The following ICA1 variants were observed in gnomAD, a reference collection of about 807,000 sequenced individuals.
ICA1 encodes islet cell autoantigen 1, also known as 69 kDa islet cell autoantigen.
A neutral mutation model predicts 71.0 loss-of-function variants in ICA1; 40 were observed. That is an observed-to-expected ratio of 0.56 (90% CI 0.44 to 0.73). ICA1 has a LOEUF of 0.73. Among genes scored for constraint, ICA1 ranks in the 30% least tolerant of loss-of-function variants. ICA1 has a pLI of 0.00. For missense variants in ICA1, 578 were observed against 576.5 expected (o/e 1.00, Z -0.03); for synonymous variants, 207 against 209.5 (o/e 0.99, Z 0.10).
At chr7:8,152,871 ACCATCACCT>A (rs1799969160) in intron 8 of ICA1, among the ~76,000 whole-genome samples, 1 of 118,274 alleles carries the variant, frequency 8.5e-6, no homozygotes, top group South Asian at 3.0e-4. Flanking sequence ...CGCCACCATC[ACCATCACCT>A]CCACCACCAC....
At chr7:8,149,385 C>G (rs893219746) in intron 8 of ICA1, among the ~76,000 whole-genome samples, 1 of 152,216 alleles carries the variant, frequency 6.6e-6, no homozygotes, top group Non-Finnish European at 1.5e-5. Context: ...TAAGGCTGCA[C>G]TAACATGCTA....
intron 1 of ICA1, among the ~76,000 whole-genome samples, chr7:8,236,380 A>G (rs576318009): frequency 6.6e-6 from 1 of 152,336 alleles, no homozygotes; most frequent in Non-Finnish European, 1.5e-5. Flanking sequence ...TAAGTTCCAG[A>G]CAGCAGACCA....
At position 8,123,420 on chromosome 7, in the gene ICA1, A is replaced by G. The variant is rs1240102433; in HGVS notation, c.1330+4453T>C. 1.3e-5 allele frequency among the ~76,000 whole-genome samples: 2 copies of G among 151,990 alleles called. No homozygotes were observed. Among genetic ancestry groups the G allele is most frequent in the African/African-American group, 4.8e-5 (2 of 41,372 alleles). ...GAAATGTGGATTGTGAGAGGGGGTG[A>G]GGGAGCTGGGGACGCGGCCCAGAGC... On this transcript the variant is annotated intron_variant, in intron 13 of 13. Coordinates refer to ENST00000402384, the MANE Select transcript of ICA1 (RefSeq NM_001136020.3). The surrounding 1 kb of genome is among the most constrained non-coding windows in gnomAD (Gnocchi z 4.1).
chr7:8,133,263 T>A (rs1386241692), intron 12 of ICA1, among the ~76,000 whole-genome samples: 1 of 152,200 alleles, frequency 6.6e-6, no homozygotes, highest in Non-Finnish European at 1.5e-5. Context: ...TTAGCCCCTA[T>A]AACTCTAAGA....
At position 8,221,275 on chromosome 7, in the gene ICA1, C is replaced by A. The variant is rs1796975507; in HGVS notation, c.380G>T (p.Arg127Met). 6.2e-7 allele frequency: 1 copy of A among 1,613,444 alleles called. No individual in the cohort carries two copies. The highest frequency in any genetic ancestry group is 8.5e-7 in the Non-Finnish European group (1 of 1,179,556). The change falls in exon 5 of 14, where the codon AGG (arginine) becomes ATG (methionine). Residue 127 changes from arginine (R) to methionine (M), a missense_variant and splice_region_variant. By Grantham distance (91) the Arg-to-Met change is moderately conservative. Transcript: ENST00000402384. ...TAGAACCCCACTAAAGGCCACACAC[C>A]TTTGCTGGGAAGAAAAGCAGAGGGC... ...GKALCFSSQQ[R>M]LALRNPLCRF... is the part of the protein sequence containing the mutation.
intron 6 of ICA1, among the ~76,000 whole-genome samples, chr7:8,174,621 G>T (rs1218296792): frequency 6.6e-6 from 1 of 151,480 alleles, no homozygotes; most frequent in Non-Finnish European, 1.5e-5. Flanking sequence ...TGGCAAAACC[G>T]GGTTTCTACA....
intron 6 of ICA1, among the ~76,000 whole-genome samples, chr7:8,169,863 T>A (rs1209599228): frequency 6.6e-6 from 1 of 151,004 alleles, no homozygotes; most frequent in Non-Finnish European, 1.5e-5. Flanking sequence ...ATTTACCAAG[T>A]TTTCTTTTAT....
chr7:8,161,976 G>T (rs1343678095), intron 6 of ICA1, among the ~76,000 whole-genome samples: 4 of 152,204 alleles, frequency 2.6e-5, no homozygotes, highest in Non-Finnish European at 4.4e-5. Context: ...TTTGAGGTGG[G>T]TCTTAGGCAT....
At chr7:8,153,888 T>C (rs1401540210) in intron 8 of ICA1, among the ~76,000 whole-genome samples, 1 of 149,262 alleles carries the variant, frequency 6.7e-6, no homozygotes, top group Non-Finnish European at 1.5e-5. Context: ...TTGATAAATG[T>C]TTGTTGTGTG....
At chr7:8,154,713 T>C (rs998730908) in intron 8 of ICA1, among the ~76,000 whole-genome samples, 2 of 152,138 alleles carry the variant, frequency 1.3e-5, no homozygotes, top group African/African-American at 2.4e-5. Context: ...CTTGATAAAA[T>C]ACAAATCTTA....
At chr7:8,198,995 C>G (rs139022581) in intron 6 of ICA1, among the ~76,000 whole-genome samples, 2 of 152,298 alleles carry the variant, frequency 1.3e-5, no homozygotes, top group East Asian at 1.9e-4. Flanking sequence ...CAAAAAAGTG[C>G]TCAACATCGT....
chr7:8,232,492 A>G (rs1800563691), intron 3 of ICA1, 98 bp downstream of exon 3: 1 of 1,052,898 alleles, frequency 9.5e-7, no homozygotes, highest in Non-Finnish European at 1.3e-6. Context: ...CTCATTTTCA[A>G]ATACAAAGCA....
chr7:8,124,176 A>G (rs1051451129), intron 13 of ICA1, among the ~76,000 whole-genome samples: 10 of 131,970 alleles, frequency 7.6e-5, no homozygotes, highest in Non-Finnish European at 1.2e-4. Flanking sequence ...GCTGGAGTGC[A>G]GTGGCGGGAT....
intron 13 of ICA1, among the ~76,000 whole-genome samples, chr7:8,127,387 G>A (rs1426501573): frequency 6.6e-6 from 1 of 152,138 alleles, no homozygotes; most frequent in Non-Finnish European, 1.5e-5. Flanking sequence ...CAGAAGAGTG[G>A]ATCTAGTGGG....
At chr7:8,191,920 T>C (rs1226489159) in intron 6 of ICA1, among the ~76,000 whole-genome samples, 1 of 152,148 alleles carries the variant, frequency 6.6e-6, no homozygotes, top group Non-Finnish European at 1.5e-5. Context: ...TTTGTATGCC[T>C]GGATACCCTT....
At chr7:8,201,995 C>T (rs1208691158) in intron 6 of ICA1, among the ~76,000 whole-genome samples, 1 of 152,148 alleles carries the variant, frequency 6.6e-6, no homozygotes, top group African/African-American at 2.4e-5. Flanking sequence ...ACACCATGTC[C>T]CCTGCCTACC....
At position 8,226,294 on chromosome 7, in the gene ICA1, G is replaced by A. The variant is rs1376735433; in HGVS notation, c.256+2307C>T. Among the ~76,000 whole-genome samples, 1 of 151,782 alleles carries A rather than the reference G, an allele frequency of 6.6e-6. No individual in the cohort carries two copies. The highest frequency in any genetic ancestry group is 1.5e-5 in the Non-Finnish European group (1 of 67,990). On this transcript the variant is annotated intron_variant, in intron 4 of 13. Coordinates refer to ENST00000402384, the MANE Select transcript of ICA1 (RefSeq NM_001136020.3). This position sits in a 1 kb window ranked among gnomAD's most constrained non-coding sequence, Gnocchi z 4.4. ...TGGTATCCAGTCTCTTTCGTTTCTG[G>A]TTTATCCTTCCTAAATTTCCTTTGC...
At chr7:8,162,018 T>C (rs1804021069) in intron 6 of ICA1, among the ~76,000 whole-genome samples, 1 of 152,220 alleles carries the variant, frequency 6.6e-6, no homozygotes, top group Non-Finnish European at 1.5e-5. Flanking sequence ...TATAAGGTAT[T>C]CGTAAGGCTG....
chr7:8,242,343 C>G (rs1421568716), intron 1 of ICA1, among the ~76,000 whole-genome samples: 3 of 152,056 alleles, frequency 2.0e-5, no homozygotes, highest in Non-Finnish European at 4.4e-5. Flanking sequence ...TGAAGGCAGA[C>G]ATAAAGATGT....
Sources: allele counts gnomAD v4.1 joint callset (sites outside exome capture counted in the v4.1 genomes callset), GRCh38; gene constraint gnomAD v4.1.1; non-coding constraint Gnocchi (gnomAD v3.1); transcripts MANE v1.5; gene names NCBI Gene and HGNC (gene_info 2026-07-23, HGNC 2026-07-21).